Variants in FERMT2 observed in about 807,000 individuals in gnomAD.
FERMT2 encodes FERM domain containing kindlin 2, also known as fermitin family homolog 2.
FERMT2 carries 15 observed loss-of-function variants against 82.7 expected under a neutral mutation model. The ratio of observed to expected loss-of-function variants is 0.18; its 90% CI spans 0.12 to 0.28. The LOEUF (loss-of-function observed/expected upper bound fraction) is 0.28. Ranked by LOEUF, FERMT2 falls within the 10% of genes least tolerant of loss-of-function variation. The pLI is 1.00. For missense variants in FERMT2, 645 were observed against 809.4 expected (o/e 0.80, Z 2.46); for synonymous variants, 274 against 271.5 (o/e 1.01, Z -0.09).
intron 4 of FERMT2, among the ~76,000 whole-genome samples, chr14:52,892,166 G>GTTTTTT (rs10547747): frequency 3.1e-5 from 4 of 128,862 alleles, no homozygotes; most frequent in African/African-American, 5.8e-5. Context: ...GCTGTTTTTT[G>GTTTTTT]TTTTTTTTTT....
At chr14:52,902,884 A>AAAC (rs1566740533) in intron 3 of FERMT2, among the ~76,000 whole-genome samples, 1 of 141,100 alleles carries the variant, frequency 7.1e-6, no homozygotes, top group Non-Finnish European at 1.5e-5. Flanking sequence ...AAAAAAAAAA[A>AAAC]AAAAAAACCC....
At chr14:52,945,581 CAT>C (rs1595029828) in intron 2 of FERMT2, among the ~76,000 whole-genome samples, 1 of 152,106 alleles carries the variant, frequency 6.6e-6, no homozygotes, top group Non-Finnish European at 1.5e-5. Context: ...AAAGCAACTT[CAT>C]ATGTTTCTTT....
At chr14:52,893,794 G>A (rs777276778) in intron 3 of FERMT2, among the ~76,000 whole-genome samples, 6 of 150,930 alleles carry the variant, frequency 4.0e-5, no homozygotes, top group Non-Finnish European at 8.8e-5. Context: ...TGAAGTAAAT[G>A]TAATGATACT....
At chr14:52,942,469 A>G (rs1199199921) in intron 2 of FERMT2, among the ~76,000 whole-genome samples, 7 of 151,638 alleles carry the variant, frequency 4.6e-5, no homozygotes, top group African/African-American at 1.7e-4. Flanking sequence ...CGCCCAGCTA[A>G]TTTTTTGTAT....
At chr14:52,860,760 C>T (rs1884880540) in intron 12 of FERMT2, 2 of 566,640 alleles carry the variant, frequency 3.5e-6, no homozygotes, top group Admixed American at 3.6e-5. Context: ...ACTACTATTA[C>T]AGAACAGCAC....
intron 2 of FERMT2, among the ~76,000 whole-genome samples, chr14:52,944,673 C>G (rs7494379): frequency 6.6e-6 from 1 of 152,110 alleles, no homozygotes; most frequent in Non-Finnish European, 1.5e-5. Context: ...ATGCAATGAA[C>G]GTATACCATA....
At chr14:52,946,160 C>A (rs866343264) in intron 2 of FERMT2, among the ~76,000 whole-genome samples, 1 of 152,138 alleles carries the variant, frequency 6.6e-6, no homozygotes, top group African/African-American at 2.4e-5. Context: ...GAGGCATGAG[C>A]CACCGTGCCC....
chr14:52,942,306 C>CT (rs200747260), intron 2 of FERMT2, among the ~76,000 whole-genome samples: 57,390 of 138,714 alleles, frequency 0.41, 11,882 homozygotes, highest in South Asian at 0.44. Context: ...TTTTCTTTTT[C>CT]TTTTTTTTTT....
rs1271357219 is a variant in FERMT2 at position 52,875,354 on chromosome 14, G to A, written c.967C>T (p.His323Tyr). The change falls in exon 8 of 15, where the codon CAT becomes TAT. Residue 323 changes from histidine (H) to tyrosine (Y), a missense_variant. Transcript: ENST00000341590. ...EMMMFAALQY[H>Y]INKLSIMTSE... is the part of the protein sequence containing the mutation. The stretch of plus-strand genomic sequence containing the variant: ...GTCATGATTGACAGCTTATTGATAT[G>A]ATACTGAAACCAGAATTATTTTATT... 6.3e-7 allele frequency: 1 copy of A among 1,585,258 alleles called. No individual in the cohort carries two copies. Among genetic ancestry groups the A allele is most frequent in the Non-Finnish European group, 8.6e-7 (1 of 1,160,810 alleles).
At chr14:52,942,646 A>G (rs1158766312) in intron 2 of FERMT2, among the ~76,000 whole-genome samples, 1 of 151,962 alleles carries the variant, frequency 6.6e-6, no homozygotes, top group Admixed American at 6.6e-5. Flanking sequence ...GTCAAAACCC[A>G]CTCAGGTTGG....
chr14:52,936,690 C>T (rs536281372), intron 2 of FERMT2, among the ~76,000 whole-genome samples: 8 of 152,264 alleles, frequency 5.3e-5, no homozygotes, highest in African/African-American at 1.9e-4. Context: ...TTACCCACAT[C>T]TCCTCCCATT....
chr14:52,912,706 C>T (rs1888393355), intron 3 of FERMT2, among the ~76,000 whole-genome samples: 1 of 151,902 alleles, frequency 6.6e-6, no homozygotes. Flanking sequence ...GACAGTGTTT[C>T]ACCATGTTGG....
At chr14:52,870,147 G>C (rs1885526814) in intron 10 of FERMT2, among the ~76,000 whole-genome samples, 1 of 151,858 alleles carries the variant, frequency 6.6e-6, no homozygotes, top group Non-Finnish European at 1.5e-5. Flanking sequence ...GTAGCATATA[G>C]TAATGTCCTA....
At chr14:52,883,645 T>C (rs1207886137) in intron 4 of FERMT2, among the ~76,000 whole-genome samples, 2 of 152,204 alleles carry the variant, frequency 1.3e-5, no homozygotes, top group Non-Finnish European at 2.9e-5. Context: ...TCCCCCTAAA[T>C]CACTGATATG....
intron 10 of FERMT2, among the ~76,000 whole-genome samples, chr14:52,867,387 C>T (rs1885353273): frequency 6.6e-6 from 1 of 152,206 alleles, no homozygotes; most frequent in Non-Finnish European, 1.5e-5. Context: ...TACTACAGTA[C>T]TGGACATTGT....
intron 12 of FERMT2, chr14:52,861,117 A>C: frequency 1.5e-6 from 2 of 1,325,124 alleles, no homozygotes; most frequent in Non-Finnish European, 2.0e-6. Flanking sequence ...GAAGCAAAGA[A>C]AAAGTTGCGG....
At chr14:52,930,520 G>C (rs965376552) in intron 2 of FERMT2, among the ~76,000 whole-genome samples, 1 of 152,180 alleles carries the variant, frequency 6.6e-6, no homozygotes, top group Non-Finnish European at 1.5e-5. Flanking sequence ...GAGTGAGTTG[G>C]ATGGGGTAAG....
intron 2 of FERMT2, among the ~76,000 whole-genome samples, chr14:52,938,499 TTGCCCAAGG>T (rs1463972539): frequency 6.6e-6 from 1 of 152,202 alleles, no homozygotes; most frequent in African/African-American, 2.4e-5. Flanking sequence ...TTAAAATAAC[TTGCCCAAGG>T]TCATATGTAA....
intron 3 of FERMT2, among the ~76,000 whole-genome samples, chr14:52,915,220 T>G (rs534268979): frequency 1.1e-4 from 17 of 152,354 alleles, no homozygotes; most frequent in African/African-American, 4.1e-4. Flanking sequence ...CTACATAACA[T>G]TAATGCATGC....
Sources: gnomAD v4.1 joint callset for allele counts (sites outside exome capture counted in the v4.1 genomes callset) on GRCh38, gnomAD v4.1.1 for gene constraint, MANE v1.5 for transcripts, NCBI Gene and HGNC (gene_info 2026-07-23, HGNC 2026-07-21) for gene names.